Variants in ASZ1 observed in about 807,000 individuals in gnomAD.
ASZ1 encodes the protein ankyrin repeat, SAM and basic leucine zipper domain-containing protein 1.
Under a neutral mutation model 61.8 loss-of-function variants are expected in ASZ1, and 67 were observed. That is an observed-to-expected ratio of 1.08 (90% CI 0.89 to 1.33). The LOEUF (loss-of-function observed/expected upper bound fraction) is 1.33, where lower values mean the gene tolerates loss of function less well. ASZ1 is among the 40% of genes most tolerant of loss of function. The pLI, the probability that ASZ1 is intolerant of heterozygous loss-of-function variation, is 0.00. For missense variants in ASZ1, 577 were observed against 554.5 expected, an observed-to-expected ratio of 1.04 and a Z score of -0.41; for synonymous variants, 193 against 192.7, an observed-to-expected ratio of 1.00 and a Z score of -0.01.
chr7:117,422,310 A>T lies in ASZ1; in HGVS notation c.255T>A (p.Tyr85Ter), dbSNP rs147830992. The stretch of plus-strand genomic sequence containing the variant: ...GCTCTGCATTGGCAACACTAGCAGC[A>T]TACATAAGGGGAGTCCATCCATACT... ...NFQYGWTPLM[Y>*]AASVANAELV... Residue 85 changes from tyrosine to a stop codon, truncating the protein, a stop_gained, in exon 3 of 13, where the codon TAT becomes TAA. Coordinates refer to ENST00000284629, the MANE Select transcript of ASZ1 (RefSeq NM_130768.3). LOFTEE classifies it high-confidence loss of function. 13 of 1,613,820 alleles carry T rather than the reference A, an allele frequency of 8.1e-6. No individual in the cohort carries two copies. The highest frequency in any genetic ancestry group is 1.1e-5 in the Non-Finnish European group (13 of 1,179,742).
At chr7:117,406,754 CAA>C (rs57133101) in intron 4 of ASZ1, among the ~76,000 whole-genome samples, 22 of 140,324 alleles carry the variant, frequency 1.6e-4, no homozygotes, top group Admixed American at 7.0e-4. Context: ...AACTCCATCT[CAA>C]AAAAAAAAAA....
chr7:117,402,283 T>C (rs1796694878), intron 4 of ASZ1, among the ~76,000 whole-genome samples: 1 of 152,162 alleles, frequency 6.6e-6, no homozygotes. Flanking sequence ...TGTATGCTAT[T>C]TGGCCACATC....
At chr7:117,412,777 A>C (rs373546353) in intron 4 of ASZ1, among the ~76,000 whole-genome samples, 2 of 151,620 alleles carry the variant, frequency 1.3e-5, no homozygotes, top group South Asian at 4.1e-4. Context: ...GTAAAAAAAA[A>C]ATCTTTTTTT....
chr7:117,422,144 A>G, intron 3 of ASZ1, 93 bp downstream of exon 3: 1 of 1,388,360 alleles, frequency 7.2e-7, no homozygotes, highest in South Asian at 1.4e-5. Flanking sequence ...GTTACTTCAA[A>G]TGGCTTTAGT....
At chr7:117,364,201 CTTAA>C (rs1795888456) in intron 12 of ASZ1, among the ~76,000 whole-genome samples, 1 of 152,260 alleles carries the variant, frequency 6.6e-6, no homozygotes, top group Admixed American at 6.5e-5. Flanking sequence ...CTGGTAGAAA[CTTAA>C]TTTATTTAAA....
chr7:117,404,686 C>T (rs1321056903), intron 4 of ASZ1, among the ~76,000 whole-genome samples: 1 of 152,070 alleles, frequency 6.6e-6, no homozygotes, highest in African/African-American at 2.4e-5. Context: ...CCCCAACTCC[C>T]AGAGGAGGTC....
At chr7:117,407,469 GA>G (rs1796807560) in intron 4 of ASZ1, among the ~76,000 whole-genome samples, 1 of 151,224 alleles carries the variant, frequency 6.6e-6, no homozygotes, top group African/African-American at 2.4e-5. Context: ...TATGCTCCAA[GA>G]CCCCCAGTGG....
chr7:117,372,825 T>G (rs2116452784), intron 10 of ASZ1, among the ~76,000 whole-genome samples: 1 of 152,318 alleles, frequency 6.6e-6, no homozygotes, highest in South Asian at 2.1e-4. Context: ...ACTGACATTG[T>G]GCTTCACATG....
intron 4 of ASZ1, among the ~76,000 whole-genome samples, chr7:117,404,085 C>G (rs1353398157): frequency 6.6e-6 from 1 of 152,150 alleles, no homozygotes. Flanking sequence ...GGGACCACTG[C>G]ACTAGAGCAA....
chr7:117,384,810 C>T lies in ASZ1; in HGVS notation c.603G>A (p.Leu201=). 1 of 1,609,556 alleles carries T rather than the reference C, an allele frequency of 6.2e-7. No individual in the cohort carries two copies. Among genetic ancestry groups the T allele is most frequent in the Non-Finnish European group, 8.5e-7 (1 of 1,178,438 alleles). ...RQGHKNIVLK[L]LELGANKMLQ... ...GCATTTTATTAGCTCCAAGTTCAAG[C>T]AACTTCAAAACTATATTTTTATGAC... Residue 201 remains leucine, a synonymous_variant, in exon 6 of 13, where the codon TTG becomes TTA. Transcript: ENST00000284629.
chr7:117,374,906 G>C (rs1796109877), intron 10 of ASZ1, among the ~76,000 whole-genome samples: 1 of 152,068 alleles, frequency 6.6e-6, no homozygotes, highest in Non-Finnish European at 1.5e-5. Context: ...GAAAGGAAGA[G>C]AGTTTCCTAA....
chr7:117,425,688 TAAAG>T (rs1797190543), intron 2 of ASZ1, among the ~76,000 whole-genome samples: 1 of 151,948 alleles, frequency 6.6e-6, no homozygotes, highest in Non-Finnish European at 1.5e-5. Flanking sequence ...ATGCTTTACA[TAAAG>T]AAACTGATGC....
intron 10 of ASZ1, among the ~76,000 whole-genome samples, chr7:117,372,995 T>C (rs1307833088): frequency 6.6e-6 from 1 of 152,128 alleles, no homozygotes; most frequent in Non-Finnish European, 1.5e-5. Flanking sequence ...AGAATGTTTA[T>C]AAATAACAGG....
At chr7:117,412,079 T>TGTGA (rs1554364841) in intron 4 of ASZ1, among the ~76,000 whole-genome samples, 5 of 150,532 alleles carry the variant, frequency 3.3e-5, no homozygotes, top group South Asian at 2.1e-4. Flanking sequence ...TGTGTGTGTG[T>TGTGA]GACTGTGTGT....
At chr7:117,417,560 T>A (rs541421585) in intron 4 of ASZ1, among the ~76,000 whole-genome samples, 6 of 152,196 alleles carry the variant, frequency 3.9e-5, no homozygotes, top group Non-Finnish European at 8.8e-5. Flanking sequence ...ACTCCCCATA[T>A]GTCCTGATAT....
intron 2 of ASZ1, among the ~76,000 whole-genome samples, chr7:117,423,391 T>C (rs1797134433): frequency 6.6e-6 from 1 of 152,168 alleles, no homozygotes; most frequent in Non-Finnish European, 1.5e-5. Context: ...TATAGACATC[T>C]ACTGCTAGCC....
At chr7:117,372,503 A>T (rs1229764899) in intron 10 of ASZ1, among the ~76,000 whole-genome samples, 1 of 152,182 alleles carries the variant, frequency 6.6e-6, no homozygotes, top group Non-Finnish European at 1.5e-5. Context: ...GATATAGACG[A>T]TCAGGAAATA....
chr7:117,422,234 T>TA lies in ASZ1; in HGVS notation c.328+2dup. 6.2e-7 allele frequency: 1 copy of TA among 1,612,336 alleles called. No individual in the cohort carries two copies. The highest frequency in any genetic ancestry group is 8.5e-7 in the Non-Finnish European group (1 of 1,179,530). On this transcript the variant is annotated splice_region_variant and intron_variant, in intron 3 of 12. Coordinates refer to ENST00000284629, the MANE Select transcript of ASZ1 (RefSeq NM_130768.3). ...ATCATTTAAGTTATCTAAAACATCT[T>TA]ACCCTTCTCAAAGCTTGCATTAGCA... is the stretch of plus-strand genomic sequence containing the variant.
intron 4 of ASZ1, among the ~76,000 whole-genome samples, chr7:117,416,932 G>GA (rs1203972263): frequency 1.3e-5 from 2 of 152,030 alleles, no homozygotes; most frequent in Non-Finnish European, 2.9e-5. Context: ...TAATTCAAGT[G>GA]ACTTACTTTC....
Sources: gnomAD v4.1 joint callset for allele counts (sites outside exome capture counted in the v4.1 genomes callset) on GRCh38, gnomAD v4.1.1 for gene constraint, MANE v1.5 for transcripts, NCBI Gene and HGNC (gene_info 2026-07-23, HGNC 2026-07-21) for gene names.